The following NRXN1 variants were observed in gnomAD, a reference collection of about 807,000 sequenced individuals.
NRXN1 encodes the protein neurexin 1.
Under a neutral mutation model 150.9 loss-of-function variants are expected in NRXN1, and 39 were observed. The observed-to-expected ratio is 0.26, with a 90% CI of 0.20 to 0.34. NRXN1 has a LOEUF of 0.34. Ranked by LOEUF, NRXN1 falls within the 10% of genes least tolerant of loss-of-function variation. NRXN1 has a pLI of 1.00. For synonymous variants in NRXN1, 924 were observed against 757.0 expected (o/e 1.22, Z -3.62); for missense variants, 1,815 against 1,949.9 (o/e 0.93, Z 1.30).
chr2:50,859,589 G>C (rs1675801582), intron 5 of NRXN1, among the ~76,000 whole-genome samples: 1 of 150,966 alleles, frequency 6.6e-6, no homozygotes, highest in Non-Finnish European at 1.5e-5. Flanking sequence ...AATGTTTACA[G>C]GTTGGTTACA....
intron 17 of NRXN1, among the ~76,000 whole-genome samples, chr2:50,307,478 G>A (rs1055892060): frequency 5.3e-5 from 8 of 152,118 alleles, no homozygotes; most frequent in African/African-American, 1.7e-4. Flanking sequence ...GCTGTAAATG[G>A]CATTACTCTT....
intron 5 of NRXN1, among the ~76,000 whole-genome samples, chr2:50,743,473 G>C (rs1483368202): frequency 2.0e-5 from 3 of 152,114 alleles, no homozygotes; most frequent in Non-Finnish European, 2.9e-5. Flanking sequence ...GAGAAGGGAA[G>C]TTGGGAGAAT....
In NRXN1 at chr2:50,497,518, G is replaced by A; in HGVS notation, c.2694C>T (p.Gly898=). Residue 898 remains glycine, a synonymous_variant, in exon 14 of 23, where the codon GGC becomes GGT. Transcript: ENST00000401669. ...CAGGATCTGCTATGATGTTCCTGAA[G>A]CCAAATCTGGCATTAAGCTCACAGT... ...IDYCELNARF[G]FRNIIADPVT... The A allele has an allele frequency of 6.2e-7, 1 of 1,613,900 alleles. No homozygotes were observed. Among genetic ancestry groups the A allele is most frequent in the Non-Finnish European group, 8.5e-7 (1 of 1,179,858 alleles).
chr2:50,217,596 T>A (rs964530546), intron 18 of NRXN1, among the ~76,000 whole-genome samples: 4 of 151,982 alleles, frequency 2.6e-5, no homozygotes, highest in African/African-American at 9.7e-5. Flanking sequence ...CCTAAAGAGA[T>A]GGACAGACCG....
chr2:49,936,392 G>A (rs755804578), intron 22 of NRXN1, among the ~76,000 whole-genome samples: 1 of 152,186 alleles, frequency 6.6e-6, no homozygotes, highest in Non-Finnish European at 1.5e-5. Flanking sequence ...GCTAGTAGCA[G>A]TGGGTCCTCC....
At chr2:50,955,608 A>G (rs1358926084) in intron 2 of NRXN1, among the ~76,000 whole-genome samples, 1 of 152,226 alleles carries the variant, frequency 6.6e-6, no homozygotes, top group African/African-American at 2.4e-5. Context: ...TGCCATTTTT[A>G]TATATGAGTA....
intron 13 of NRXN1, among the ~76,000 whole-genome samples, chr2:50,501,802 C>T (rs1176144282): frequency 2.6e-5 from 4 of 152,156 alleles, no homozygotes; most frequent in Admixed American, 2.6e-4. Context: ...CAAATACTAT[C>T]CTCACGATCC....
At chr2:50,767,299 C>G (rs1010033676) in intron 5 of NRXN1, among the ~76,000 whole-genome samples, 2 of 151,972 alleles carry the variant, frequency 1.3e-5, no homozygotes, top group Non-Finnish European at 2.9e-5. Context: ...TATTATTGCA[C>G]TTAGCACCTT....
chr2:50,313,066 T>C (rs544779971), intron 17 of NRXN1, among the ~76,000 whole-genome samples: 1 of 152,170 alleles, frequency 6.6e-6, no homozygotes, highest in East Asian at 1.9e-4. Flanking sequence ...CTACAAAAAA[T>C]AAATCAAGAA....
chr2:50,002,046 TCAA>T lies in NRXN1; in HGVS notation c.4128+51222_4128+51224del, dbSNP rs111776349. Among the ~76,000 whole-genome samples the T allele has an allele frequency of 5.3e-5, 8 of 152,014 alleles. 1 individual carries two copies. The highest frequency in any genetic ancestry group is 1.9e-4 in the African/African-American group (8 of 41,486). On this transcript the variant is annotated intron_variant, in intron 21 of 22. Transcript: ENST00000401669. Reference sequence around the variant, plus strand: ...TCCAACCAGAAAGAATTAAGTTTTATCAACAACCATGCAAGCTTGCAAGAGGGC... The same window carrying T: ...TCCAACCAGAAAGAATTAAGTTTTATCAACCATGCAAGCTTGCAAGAGGGC...
intron 5 of NRXN1, among the ~76,000 whole-genome samples, chr2:50,852,174 A>C (rs2105981649): frequency 6.6e-6 from 1 of 152,286 alleles, no homozygotes; most frequent in South Asian, 2.1e-4. Context: ...AACTGGCCCC[A>C]AAGGATTTGA....
At chr2:50,534,872 T>C (rs1045003945) in intron 10 of NRXN1, among the ~76,000 whole-genome samples, 1 of 152,092 alleles carries the variant, frequency 6.6e-6, no homozygotes, top group African/African-American at 2.4e-5. Context: ...GAAATACAGA[T>C]GACTGACAAT....
intron 2 of NRXN1, among the ~76,000 whole-genome samples, chr2:50,972,803 C>A (rs1002965148): frequency 2.6e-5 from 4 of 152,090 alleles, no homozygotes; most frequent in African/African-American, 9.7e-5. Flanking sequence ...GGAGCTCAGG[C>A]AGTAATGTGA....
intron 1 of NRXN1, among the ~76,000 whole-genome samples, chr2:51,031,086 G>C (rs1671470404): frequency 6.6e-6 from 1 of 151,892 alleles, no homozygotes; most frequent in Non-Finnish European, 1.5e-5. Context: ...TTATCACAGG[G>C]AGGTTAACTG....
At chr2:50,757,836 A>G (rs866901477) in intron 5 of NRXN1, 1 of 151,632 alleles carries the variant, frequency 6.6e-6, no homozygotes, top group African/African-American at 2.4e-5. Context: ...AGTGCAAGAC[A>G]TAAGTTATTC....
chr2:50,218,133 T>C (rs2063530718), intron 18 of NRXN1, among the ~76,000 whole-genome samples: 1 of 152,214 alleles, frequency 6.6e-6, no homozygotes, highest in African/African-American at 2.4e-5. Flanking sequence ...GCTTCCATTA[T>C]TGTCTTTACA....
rs146135412 is a variant in NRXN1 at position 50,832,638 on chromosome 2, C to T, written c.832+89231G>A. Among the ~76,000 whole-genome samples the T allele has an allele frequency of 1.2e-3, 183 of 152,040 alleles. 1 individual carries two copies. Among genetic ancestry groups the T allele is most frequent in the Middle Eastern group, 3.4e-3 (1 of 294 alleles). On this transcript the variant is annotated intron_variant, in intron 5 of 22. Transcript: ENST00000401669. ...CACTGCACTCCAACTCCAGCTTGGGCGACAGAGTGAGATCCCGTCTCAAAA... is the reference window on the plus strand; with the variant it reads ...CACTGCACTCCAACTCCAGCTTGGGTGACAGAGTGAGATCCCGTCTCAAAA...
chr2:50,966,214 G>A (rs1694044983), intron 2 of NRXN1, among the ~76,000 whole-genome samples: 1 of 151,610 alleles, frequency 6.6e-6, no homozygotes, highest in Admixed American at 6.6e-5. Flanking sequence ...TTACATGGAA[G>A]ATAATGACAT....
chr2:50,638,866 A>T (rs1683620989), intron 5 of NRXN1, among the ~76,000 whole-genome samples: 1 of 152,166 alleles, frequency 6.6e-6, no homozygotes, highest in African/African-American at 2.4e-5. Context: ...AGTTAAAGAG[A>T]TCTTCCATTC....
Sources: allele counts gnomAD v4.1 joint callset (sites outside exome capture counted in the v4.1 genomes callset), GRCh38; gene constraint gnomAD v4.1.1; transcripts MANE v1.5; gene names NCBI Gene and HGNC (gene_info 2026-07-23, HGNC 2026-07-21).